The following MED13 variants were observed in gnomAD, a reference collection of about 807,000 sequenced individuals.
MED13 encodes mediator complex subunit 13.
MED13 carries 23 observed loss-of-function variants against 225.2 expected under a neutral mutation model. The ratio of observed to expected loss-of-function variants is 0.10; its 90% confidence interval spans 0.07 to 0.14. The LOEUF (loss-of-function observed/expected upper bound fraction) is 0.14, where lower values mean the gene tolerates loss of function less well. MED13 is among the 10% of genes least tolerant of loss of function. The pLI is 1.00. For missense variants in MED13, 2,197 were observed against 2,594.5 expected (o/e 0.85, Z 3.33); for synonymous variants, 942 against 889.2 (o/e 1.06, Z -1.06).
In MED13 at chr17:62,035,527, T is replaced by C. The variant is rs2080794974; in HGVS notation, c.552A>G (p.Gln184=). The C allele has an allele frequency of 1.2e-6, 2 of 1,613,482 alleles. No homozygotes were observed. The highest frequency in any genetic ancestry group is 4.5e-5 in the East Asian group (2 of 44,834). Reference sequence around the variant, plus strand: ...GCTCTTCACTGAGAAGGTATACAGGTTGATGTTGGTTAATTTCCACACTGG... The same window carrying C: ...GCTCTTCACTGAGAAGGTATACAGGCTGATGTTGGTTAATTTCCACACTGG... ...VCTSVEINQH[Q]PVYLLSEEHI... is the part of the protein sequence containing the mutation. The change falls in exon 4 of 30, where the codon CAA becomes CAG. Residue 184 remains glutamine (Q), a synonymous_variant. Transcript: ENST00000397786.
intron 23 of MED13, among the ~76,000 whole-genome samples, chr17:61,960,605 A>C (rs1300104190): frequency 1.3e-5 from 2 of 152,190 alleles, no homozygotes; most frequent in South Asian, 2.1e-4. Flanking sequence ...TGTTCAGCTA[A>C]AATAATTGCC....
rs961876415 is a variant in MED13, at chr17:61,972,644, A to C, written c.3967+83T>G. ...TATATCACAAATATATTTAAAGAAA[A>C]CTAATGTGCTTATTCTAGTTGGGCA... is the stretch of plus-strand genomic sequence containing the variant. On this transcript the variant is annotated intron_variant, in intron 17 of 29. Transcript: ENST00000397786. 4.0e-6 allele frequency: 5 copies of C among 1,246,998 alleles called. No individual in the cohort carries two copies. The Admixed American group carries it at 9.9e-5, about 25-fold the overall frequency. The allele number at this position is 1,246,998 out of a possible 1,614,324, so 77.2% of individuals were successfully genotyped here.
intron 3 of MED13, among the ~76,000 whole-genome samples, chr17:62,047,350 G>T (rs1249164218): frequency 6.6e-6 from 1 of 152,142 alleles, no homozygotes; most frequent in Non-Finnish European, 1.5e-5. Context: ...CACCCTGGGC[G>T]ATAGAGCAAG....
chr17:61,978,500 C>T (rs2080176183), intron 16 of MED13, among the ~76,000 whole-genome samples: 1 of 152,140 alleles, frequency 6.6e-6, no homozygotes, highest in Middle Eastern at 3.2e-3. Context: ...TGCCTGGAAT[C>T]CCAGCACTTT....
At chr17:62,042,580 A>C (rs1005506092) in intron 3 of MED13, among the ~76,000 whole-genome samples, 23 of 149,950 alleles carry the variant, frequency 1.5e-4, no homozygotes, top group South Asian at 4.2e-4. Flanking sequence ...AAAAAAAAAA[A>C]CCAAAAAAAC....
chr17:61,944,301 T>G lies in MED13; in HGVS notation c.*2167A>C, dbSNP rs1479845496. 6.6e-6 allele frequency: 1 copy of G among 152,482 alleles called. No individual in the cohort carries two copies. The highest frequency in any genetic ancestry group is 2.4e-5 in the African/African-American group (1 of 41,424). The allele number at this position is 152,482 out of a possible 1,614,324, so 9.4% of individuals were successfully genotyped here. ...AACTTTTATTTTGTAAAGTCACTAT[T>G]AAGTGTATAAAAAGGATACTCTTTT... On this transcript the variant is annotated 3_prime_UTR_variant, in exon 30 of 30. Transcript: ENST00000397786.
chr17:61,989,821 T>C (rs567807464), intron 11 of MED13, among the ~76,000 whole-genome samples: 10 of 152,384 alleles, frequency 6.6e-5, no homozygotes, highest in African/African-American at 2.2e-4. Flanking sequence ...CTTTGTTCTT[T>C]TTGCTCAAGA....
intron 2 of MED13, among the ~76,000 whole-genome samples, chr17:62,056,885 T>C (rs767090481): frequency 1.3e-5 from 2 of 152,238 alleles, no homozygotes; most frequent in Non-Finnish European, 2.9e-5. Context: ...CAGTGTTTCT[T>C]GAAATTTTTA....
rs2080044839 is a variant in MED13 at position 61,965,149 on chromosome 17, A to G, written c.4701T>C (p.Asn1567=). 6.2e-7 allele frequency: 1 copy of G among 1,614,022 alleles called. No homozygotes were observed. The highest frequency in any genetic ancestry group is 1.3e-5 in the African/African-American group (1 of 74,906). The change falls in exon 20 of 30, where the codon AAT becomes AAC. Residue 1567 remains asparagine (N), a synonymous_variant. Transcript: ENST00000397786. Reference sequence around the variant, plus strand: ...CTTGTGTAGACATGGATCCTGCAGCATTACTGTTCATACTGCCAAAGGGTG... The same window carrying G: ...CTTGTGTAGACATGGATCCTGCAGCGTTACTGTTCATACTGCCAAAGGGTG... ...SFPPFGSMNS[N]AAGSMSTQAN... is the part of the protein sequence containing the mutation.
chr17:62,023,855 A>G (rs2143649713), intron 8 of MED13, among the ~76,000 whole-genome samples: 1 of 152,358 alleles, frequency 6.6e-6, no homozygotes, highest in Middle Eastern at 3.4e-3. Context: ...CAGAAGACCT[A>G]AAGTACAAAA....
At chr17:62,017,867 C>T (rs1456264557) in intron 8 of MED13, among the ~76,000 whole-genome samples, 2 of 152,188 alleles carry the variant, frequency 1.3e-5, no homozygotes, top group African/African-American at 4.8e-5. Flanking sequence ...ATTTGAAGTA[C>T]AATGGCTATT....
At chr17:61,975,694 C>T (rs757446825) in intron 16 of MED13, among the ~76,000 whole-genome samples, 1 of 152,060 alleles carries the variant, frequency 6.6e-6, no homozygotes, top group Non-Finnish European at 1.5e-5. Flanking sequence ...GCACTCCAGC[C>T]TGGATGACAG....
In MED13 at chr17:61,943,335, T is replaced by C. The variant is rs555591449; in HGVS notation, c.*3133A>G. On this transcript the variant is annotated 3_prime_UTR_variant, in exon 30 of 30. Coordinates refer to ENST00000397786, the MANE Select transcript of MED13 (RefSeq NM_005121.3). ...AGCATTTAAAAACTTTTTAATCTAT[T>C]CAATTTGAACATTTTAAATAATGCA... The C allele has an allele frequency of 6.5e-6, 1 of 152,742 alleles. No homozygotes were observed. The highest frequency in any genetic ancestry group is 1.9e-4 in the East Asian group (1 of 5,186). 9.5% of individuals were successfully genotyped at this position (152,742 alleles called of 1,614,324 possible). A position where few individuals can be genotyped will look rare whatever the true frequency, so the allele number is the denominator to read the frequency against.
Position 62,029,616 on chromosome 17 carries a change from T to C in MED13, c.1208A>G (p.Glu403Gly), listed in dbSNP as rs1417494623. The change falls in exon 8 of 30, where the codon GAA becomes GGA. Residue 403 changes from glutamate (E) to glycine (G), a missense_variant. By Grantham distance (98) the Glu-to-Gly change is moderately conservative. Transcript: ENST00000397786. ...TGCCACTTTAGCAGCTGTCGCTTCTTCGCATAGACCACCTGATGAAGCAGA... is the reference window on the plus strand; with the variant it reads ...TGCCACTTTAGCAGCTGTCGCTTCTCCGCATAGACCACCTGATGAAGCAGA... ...KYSASSGGLC[E>G]EATAAKVASW... 4 of 1,614,170 alleles carry C rather than the reference T, an allele frequency of 2.5e-6. No homozygotes were observed. The highest frequency in any genetic ancestry group is 3.4e-6 in the Non-Finnish European group (4 of 1,180,022).
At chr17:62,062,224 T>A (rs1039868698) in intron 2 of MED13, among the ~76,000 whole-genome samples, 10 of 152,222 alleles carry the variant, frequency 6.6e-5, no homozygotes, top group African/African-American at 2.2e-4. Context: ...CCTTATAGCA[T>A]ACAACCAATC....
At chr17:61,958,616 C>T (rs969200126) in intron 23 of MED13, among the ~76,000 whole-genome samples, 2 of 152,094 alleles carry the variant, frequency 1.3e-5, no homozygotes, top group African/African-American at 2.4e-5. Flanking sequence ...GGATTACAGG[C>T]GTGAGCCACC....
At chr17:61,992,729 ACATT>A (rs1464697869) in intron 10 of MED13, 108 bp from the exon 11 acceptor site, 1 of 697,992 alleles carries the variant, frequency 1.4e-6, no homozygotes, top group Non-Finnish European at 2.5e-6. Flanking sequence ...TGTTTAACAT[ACATT>A]ATCACTGATT....
chr17:61,952,010 G>A (rs753806952), intron 27 of MED13, among the ~76,000 whole-genome samples: 3 of 152,034 alleles, frequency 2.0e-5, no homozygotes, highest in Non-Finnish European at 4.4e-5. Context: ...CCATTCTCCT[G>A]TCTCAGCCTC....
chr17:62,008,234 G>T (rs980923288), intron 9 of MED13, among the ~76,000 whole-genome samples: 2 of 148,134 alleles, frequency 1.4e-5, no homozygotes, highest in African/African-American at 5.0e-5. Flanking sequence ...CAGGAGAATG[G>T]TGTGAACCAG....
Sources: gnomAD v4.1 joint callset for allele counts (sites outside exome capture counted in the v4.1 genomes callset) on GRCh38, gnomAD v4.1.1 for gene constraint, MANE v1.5 for transcripts, NCBI Gene and HGNC (gene_info 2026-07-23, HGNC 2026-07-21) for gene names.